TMEM196: variants seen among roughly 807,000 people sequenced by gnomAD.
TMEM196 encodes transmembrane protein 196.
Under a neutral mutation model 20.0 loss-of-function variants are expected in TMEM196, and 17 were observed. The observed-to-expected ratio is 0.85, with a 90% CI of 0.58 to 1.27. TMEM196 has a LOEUF of 1.27. Among genes scored for constraint, TMEM196 ranks in the 50% most tolerant of loss-of-function variants. The pLI, the probability that TMEM196 is intolerant of heterozygous loss-of-function variation, is 0.00. For missense variants in TMEM196, 267 were observed against 223.0 expected (o/e 1.20, Z -1.26); for synonymous variants, 113 against 88.9 (o/e 1.27, Z -1.52).
intron 1 of TMEM196, among the ~76,000 whole-genome samples, chr7:19,746,915 A>G (rs1269621191): frequency 2.0e-5 from 3 of 152,292 alleles, no homozygotes; most frequent in East Asian, 3.9e-4. Context: ...AGATTTTTTC[A>G]TTTCTGTCTT....
intron 1 of TMEM196, among the ~76,000 whole-genome samples, chr7:19,753,194 T>C (rs1268495434): frequency 6.6e-6 from 1 of 152,174 alleles, no homozygotes; most frequent in Non-Finnish European, 1.5e-5. Context: ...AGAGTACCTT[T>C]TTTATGTGGC....
chr7:19,763,459 A>G (rs903083382), intron 1 of TMEM196, among the ~76,000 whole-genome samples: 10 of 152,346 alleles, frequency 6.6e-5, no homozygotes, highest in Non-Finnish European at 1.2e-4. Flanking sequence ...AGAACAAACA[A>G]AAATTATACC....
chr7:19,763,311 T>C (rs953654803), intron 1 of TMEM196, among the ~76,000 whole-genome samples: 10 of 152,200 alleles, frequency 6.6e-5, no homozygotes, highest in East Asian at 1.9e-4. Context: ...ATCAACATCA[T>C]TGATATTATT....
intron 4 of TMEM196, 52 bp from the exon 5 acceptor site, chr7:19,722,186 T>A (rs1377912390): frequency 3.9e-5 from 58 of 1,497,684 alleles, no homozygotes; most frequent in Non-Finnish European, 5.1e-5. Context: ...AGTAAGACAT[T>A]GTTTTGGTTA....
At position 19,728,607 on chromosome 7, in the gene TMEM196, G is replaced by T. The variant is rs188140933; in HGVS notation, c.204+775C>A. Among the ~76,000 whole-genome samples, 119 of 152,242 alleles carry T rather than the reference G, an allele frequency of 7.8e-4. 2 individuals are homozygous for T. The highest frequency in any genetic ancestry group is 1.2e-4 in the Non-Finnish European group (8 of 68,014). On this transcript the variant is annotated intron_variant, in intron 2 of 4. Coordinates refer to ENST00000405844, the MANE Select transcript of TMEM196 (RefSeq NM_001363562.2). ...GCCTCACCTTGGAAAACTCTCTTTA[G>T]GCTCAAAGGGTACTTCCTAGGGTCC...
intron 1 of TMEM196, among the ~76,000 whole-genome samples, chr7:19,752,232 G>T (rs1002208173): frequency 1.3e-5 from 2 of 152,160 alleles, no homozygotes; most frequent in Non-Finnish European, 2.9e-5. Flanking sequence ...TAATGAAAGA[G>T]ATCTAGACTT....
intron 1 of TMEM196, among the ~76,000 whole-genome samples, chr7:19,767,973 A>G (rs1361942673): frequency 6.6e-6 from 1 of 152,096 alleles, no homozygotes; most frequent in Non-Finnish European, 1.5e-5. Flanking sequence ...TATAGATCAG[A>G]ATGCACAGAG....
chr7:19,729,522 T>G (rs1784123414), intron 1 of TMEM196, 84 bp from the exon 2 acceptor site: 1 of 1,231,942 alleles, frequency 8.1e-7, no homozygotes, highest in Admixed American at 2.2e-5. Flanking sequence ...CTCATGACAC[T>G]TTCTCCAGGG....
chr7:19,768,248 C>G (rs1220069067), intron 1 of TMEM196, among the ~76,000 whole-genome samples: 2 of 151,802 alleles, frequency 1.3e-5, no homozygotes, highest in Non-Finnish European at 2.9e-5. Flanking sequence ...GAGAACTAGG[C>G]TTAGAAAAGT....
At chr7:19,767,759 G>A (rs1785696221) in intron 1 of TMEM196, among the ~76,000 whole-genome samples, 1 of 151,958 alleles carries the variant, frequency 6.6e-6, no homozygotes. Flanking sequence ...CTTATGTTAA[G>A]TACTTGATGT....
At chr7:19,733,559 G>T (rs1331673879) in intron 1 of TMEM196, among the ~76,000 whole-genome samples, 2 of 151,982 alleles carry the variant, frequency 1.3e-5, no homozygotes, top group Non-Finnish European at 2.9e-5. Flanking sequence ...GAAGCAAAAG[G>T]CTTAGGCTTC....
At chr7:19,751,983 G>A (rs1785006387) in intron 1 of TMEM196, among the ~76,000 whole-genome samples, 1 of 152,050 alleles carries the variant, frequency 6.6e-6, no homozygotes, top group African/African-American at 2.4e-5. Flanking sequence ...ACTGTCTTCT[G>A]GAAAATAATT....
intron 4 of TMEM196, among the ~76,000 whole-genome samples, chr7:19,724,040 G>A (rs1271640220): frequency 6.6e-6 from 1 of 152,122 alleles, no homozygotes; most frequent in Non-Finnish European, 1.5e-5. Flanking sequence ...GCAGAAATGT[G>A]TTTGGATGCT....
chr7:19,752,764 A>T (rs780941368), intron 1 of TMEM196, among the ~76,000 whole-genome samples: 1 of 151,814 alleles, frequency 6.6e-6, no homozygotes, highest in African/African-American at 2.4e-5. Context: ...ACAGGTGCGC[A>T]CAACTACGCC....
At chr7:19,729,692 A>G (rs1454380247) in intron 1 of TMEM196, among the ~76,000 whole-genome samples, 1 of 152,186 alleles carries the variant, frequency 6.6e-6, no homozygotes, top group African/African-American at 2.4e-5. Context: ...TTATTAAGTA[A>G]ATGAATTTAG....
At chr7:19,761,064 A>G (rs1248175002) in intron 1 of TMEM196, among the ~76,000 whole-genome samples, 1 of 152,124 alleles carries the variant, frequency 6.6e-6, no homozygotes, top group African/African-American at 2.4e-5. Context: ...TCATAAGCCT[A>G]ATCCCTGCAG....
rs1034346248 is a variant in TMEM196, at chr7:19,772,650, A to G, written c.47T>C (p.Val16Ala). Residue 16 changes from valine (V) to alanine (A), a missense_variant, in exon 1 of 5, where the codon GTG becomes GCG. Physicochemically the swap from Val to Ala is moderately conservative, Grantham distance 64 (BLOSUM62 0). Coordinates refer to ENST00000405844, the MANE Select transcript of TMEM196 (RefSeq NM_001363562.2). ...QIIGSLLVLS[V>A]LEIGLGVSSV... ...GGACACCCCCAGCCCTATCTCCAGC[A>G]CGGAGAGCACCAAGAGGCTCCCAAT... 1 of 1,544,588 alleles carries G rather than the reference A, an allele frequency of 6.5e-7. No homozygotes were observed. Among genetic ancestry groups the G allele is most frequent in the Non-Finnish European group, 8.7e-7 (1 of 1,144,278 alleles).
At chr7:19,723,079 AT>A (rs1197138930) in intron 4 of TMEM196, among the ~76,000 whole-genome samples, 1 of 152,164 alleles carries the variant, frequency 6.6e-6, no homozygotes. Context: ...TTCTATATCT[AT>A]TTCTATCTAG....
At chr7:19,734,796 G>A (rs548935274) in intron 1 of TMEM196, among the ~76,000 whole-genome samples, 16 of 152,216 alleles carry the variant, frequency 1.1e-4, no homozygotes, top group Admixed American at 9.2e-4. Flanking sequence ...TTTAAGCCAC[G>A]AAATTTGCAG....
Sources: gnomAD v4.1 joint callset for allele counts (sites outside exome capture counted in the v4.1 genomes callset) on GRCh38, gnomAD v4.1.1 for gene constraint, MANE v1.5 for transcripts, NCBI Gene and HGNC (gene_info 2026-07-23, HGNC 2026-07-21) for gene names.